The following PTPRD variants were observed in gnomAD, a reference collection of about 807,000 sequenced individuals.
PTPRD encodes the protein receptor-type tyrosine-protein phosphatase delta.
In PTPRD, 34 loss-of-function variants were observed where a neutral mutation model predicts 214.5. The ratio of observed to expected loss-of-function variants is 0.16; its 90% CI spans 0.12 to 0.21. The LOEUF is 0.21. Ranked by LOEUF, PTPRD falls within the 10% of genes least tolerant of loss-of-function variation. PTPRD has a pLI of 1.00. For missense variants in PTPRD, 2,545 were observed against 2,398.7 expected, an observed-to-expected ratio of 1.06 and a Z score of -1.27; for synonymous variants, 1,128 against 845.7, an observed-to-expected ratio of 1.33 and a Z score of -5.79.
chr9:9,259,424 G>A (rs1454736318), intron 9 of PTPRD, among the ~76,000 whole-genome samples: 4 of 151,722 alleles, frequency 2.6e-5, no homozygotes, highest in Non-Finnish European at 5.9e-5. Flanking sequence ...CTTTGTACCA[G>A]CCCTCCCTCT....
At chr9:10,006,542 C>G (rs866360157) in intron 4 of PTPRD, among the ~76,000 whole-genome samples, 2 of 151,970 alleles carry the variant, frequency 1.3e-5, no homozygotes, top group Non-Finnish European at 2.9e-5. Flanking sequence ...AGGGTATTAG[C>G]ATTTCTGCAG....
intron 10 of PTPRD, among the ~76,000 whole-genome samples, chr9:9,130,664 T>G (rs1044489128): frequency 5.3e-5 from 8 of 152,184 alleles, no homozygotes; most frequent in Non-Finnish European, 2.9e-5. Flanking sequence ...TCTCTACATA[T>G]GTATGTAATA....
At chr9:9,011,763 C>T (rs531658755) in intron 11 of PTPRD, among the ~76,000 whole-genome samples, 15 of 152,238 alleles carry the variant, frequency 9.9e-5, no homozygotes, top group African/African-American at 3.6e-4. Flanking sequence ...ATGTGATTTT[C>T]AATTCTAGTT....
At position 8,713,353 on chromosome 9, in the gene PTPRD, C is replaced by T. The variant is rs183455343; in HGVS notation, c.64+20427G>A. ...ACTAAGAGAGTACAAAGTAGTGGGTCGCCGCCTGCCCACTCCCAAATGCCA... is the reference window on the plus strand; with the variant it reads ...ACTAAGAGAGTACAAAGTAGTGGGTTGCCGCCTGCCCACTCCCAAATGCCA... On this transcript the variant is annotated intron_variant, in intron 12 of 45. Transcript: ENST00000381196. The T allele has an allele frequency of 6.6e-4, 656 of 996,130 alleles. 5 individuals carry two copies. In the African/African-American group the frequency reaches 8.9e-3, roughly 14 times the overall value. The allele number at this position is 996,130 out of a possible 1,614,324, so 61.7% of individuals were successfully genotyped here.
In PTPRD at chr9:9,574,305, C is replaced by A. The variant is rs866354969; in HGVS notation, c.-237+427G>T. Reference sequence around the variant, plus strand: ...CCATAGTTACATACTTTACTCTCAACTTCCTGGAGCTCTAACATCATGCTT... The same window carrying A: ...CCATAGTTACATACTTTACTCTCAAATTCCTGGAGCTCTAACATCATGCTT... On this transcript the variant is annotated intron_variant, in intron 8 of 45. Transcript: ENST00000381196. 6.2e-4 allele frequency among the ~76,000 whole-genome samples: 95 copies of A among 152,060 alleles called. 1 individual carries two copies. The Middle Eastern group carries it at 0.01, about 16-fold the overall frequency.
At chr9:10,571,712 G>C (rs1387964614) in intron 2 of PTPRD, among the ~76,000 whole-genome samples, 1 of 152,142 alleles carries the variant, frequency 6.6e-6, no homozygotes, top group African/African-American at 2.4e-5. Flanking sequence ...CAGTTTTTCC[G>C]GGACTGGGGC....
At chr9:10,484,246 G>A (rs1266975318) in intron 2 of PTPRD, among the ~76,000 whole-genome samples, 1 of 152,016 alleles carries the variant, frequency 6.6e-6, no homozygotes, top group Non-Finnish European at 1.5e-5. Flanking sequence ...TTAAGCTATG[G>A]GTACACGAGG....
intron 8 of PTPRD, among the ~76,000 whole-genome samples, chr9:9,410,813 C>T (rs944518003): frequency 2.6e-5 from 4 of 152,130 alleles, no homozygotes; most frequent in African/African-American, 9.7e-5. Context: ...CATGGGCTTC[C>T]CAACATGCTT....
chr9:8,436,794 G>GT, intron 34 of PTPRD, 105 bp from the exon 35 acceptor site: 1 of 871,950 alleles, frequency 1.1e-6, no homozygotes, highest in Non-Finnish European at 1.8e-6. Flanking sequence ...CTGAAAATAT[G>GT]TGAGTAGTAA....
intron 2 of PTPRD, among the ~76,000 whole-genome samples, chr9:10,557,945 C>A (rs1161724380): frequency 6.6e-6 from 1 of 152,136 alleles, no homozygotes; most frequent in Non-Finnish European, 1.5e-5. Flanking sequence ...GCACAGCATT[C>A]TGCACAGAGA....
At chr9:10,130,028 C>T (rs954085871) in intron 3 of PTPRD, among the ~76,000 whole-genome samples, 2 of 150,846 alleles carry the variant, frequency 1.3e-5, no homozygotes, top group Non-Finnish European at 3.0e-5. Flanking sequence ...AATTGGTGCA[C>T]TGAAAAGTAT....
Position 8,375,946 on chromosome 9 carries a change from C to T in PTPRD, c.4651G>A (p.Val1551Met), listed in dbSNP as rs2134797657. The change falls in exon 39 of 46, where the codon GTG (valine) becomes ATG (methionine). Residue 1551 changes from valine to methionine, a missense_variant. Physicochemically the swap from Val to Met is conservative, Grantham distance 21. Coordinates refer to ENST00000381196, the MANE Select transcript of PTPRD (RefSeq NM_002839.4). ...CNPPDAGPMV[V>M]HCSAGVGRTG... ...ACAAACGCTTCTTACCTGCAGTGCA[C>T]AACCATCGGACCAGCATCGGGAGGG... The T allele has an allele frequency of 6.2e-7, 1 of 1,612,198 alleles. No homozygotes were observed.
chr9:9,404,766 G>A (rs1179819542), intron 8 of PTPRD, among the ~76,000 whole-genome samples: 1 of 152,082 alleles, frequency 6.6e-6, no homozygotes, highest in Non-Finnish European at 1.5e-5. Flanking sequence ...GGGAATTGGA[G>A]AGTACATAGG....
chr9:9,254,486 A>G (rs577713839), intron 9 of PTPRD, among the ~76,000 whole-genome samples: 2 of 152,168 alleles, frequency 1.3e-5, no homozygotes, highest in South Asian at 4.1e-4. Flanking sequence ...ATTAATGGTA[A>G]TATTTGTAGT....
chr9:8,805,532 T>A (rs556873080), intron 11 of PTPRD, among the ~76,000 whole-genome samples: 86 of 151,912 alleles, frequency 5.7e-4, no homozygotes, highest in Non-Finnish European at 1.0e-3. Flanking sequence ...AAAATAAATA[T>A]AGACAGAATA....
chr9:8,771,836 T>A (rs1342029318), intron 11 of PTPRD, among the ~76,000 whole-genome samples: 1 of 150,748 alleles, frequency 6.6e-6, no homozygotes, highest in African/African-American at 2.4e-5. Context: ...AAAAAAAAAA[T>A]TCAGCCATCA....
chr9:9,987,805 T>C (rs898014097), intron 4 of PTPRD, among the ~76,000 whole-genome samples: 3 of 152,200 alleles, frequency 2.0e-5, no homozygotes, highest in Admixed American at 6.5e-5. Flanking sequence ...TTCTTTCTTA[T>C]ATGACTTTTT....
chr9:9,828,637 A>C (rs1290790820), intron 5 of PTPRD, among the ~76,000 whole-genome samples: 2 of 152,094 alleles, frequency 1.3e-5, no homozygotes, highest in African/African-American at 4.8e-5. Flanking sequence ...TGTACCATAA[A>C]ACTTAAAGTA....
chr9:9,222,897 G>A (rs2099957092), intron 9 of PTPRD, among the ~76,000 whole-genome samples: 1 of 151,880 alleles, frequency 6.6e-6, no homozygotes. Context: ...ACTCTTAATG[G>A]ATGCCTCATT....
Sources: gnomAD v4.1 joint callset for allele counts (sites outside exome capture counted in the v4.1 genomes callset) on GRCh38, gnomAD v4.1.1 for gene constraint, MANE v1.5 for transcripts, NCBI Gene and HGNC (gene_info 2026-07-23, HGNC 2026-07-21) for gene names.